RASSF2: variants seen among roughly 807,000 people sequenced by gnomAD.
The protein encoded by RASSF2 is ras association domain-containing protein 2.
RASSF2 carries 34 observed loss-of-function variants against 46.3 expected under a neutral mutation model. The ratio of observed to expected loss-of-function variants is 0.73; its 90% CI spans 0.56 to 0.98. The LOEUF (loss-of-function observed/expected upper bound fraction) is 0.98. RASSF2 is among the 50% of genes least tolerant of loss of function. RASSF2 has a pLI of 0.00. For synonymous variants in RASSF2, 158 were observed against 162.5 expected (o/e 0.97, Z 0.21); for missense variants, 364 against 431.2 (o/e 0.84, Z 1.38).
At position 4,784,197 on chromosome 20, in the gene RASSF2, G is replaced by C; in HGVS notation, c.*76C>G. 1 of 1,435,208 alleles carries C rather than the reference G, an allele frequency of 7.0e-7. No individual in the cohort carries two copies. The highest frequency in any genetic ancestry group is 9.8e-7 in the Non-Finnish European group (1 of 1,017,940). 88.9% of individuals were successfully genotyped at this position (1,435,208 alleles called of 1,614,324 possible). A position where few individuals can be genotyped will look rare whatever the true frequency, so the allele number is the denominator to read the frequency against. ...TTGTGTCTAAATGTTTCCATGGAAA[G>C]AAAGTGCCTAGCTTCCTGGGGGTCT... On this transcript the variant is annotated 3_prime_UTR_variant, in exon 12 of 12. Coordinates refer to ENST00000379400, the MANE Select transcript of RASSF2 (RefSeq NM_014737.3).
At chr20:4,817,607 G>A (rs944812080) in intron 2 of RASSF2, among the ~76,000 whole-genome samples, 10 of 151,974 alleles carry the variant, frequency 6.6e-5, no homozygotes, top group African/African-American at 2.4e-4. Context: ...GGGACCATCC[G>A]TTCCAAAAAA....
At chr20:4,817,996 G>A (rs564382524) in intron 2 of RASSF2, among the ~76,000 whole-genome samples, 74 of 152,354 alleles carry the variant, frequency 4.9e-4, no homozygotes, top group African/African-American at 1.7e-3. Flanking sequence ...GCCAGACGCA[G>A]TGGCTCATGC....
intron 2 of RASSF2, among the ~76,000 whole-genome samples, chr20:4,814,718 G>A (rs914045107): frequency 2.6e-5 from 4 of 152,142 alleles, no homozygotes; most frequent in African/African-American, 7.2e-5. Flanking sequence ...TTGAGTTAAC[G>A]CATCCAACAA....
At chr20:4,806,901 C>T (rs142576410) in intron 2 of RASSF2, among the ~76,000 whole-genome samples, 2 of 152,326 alleles carry the variant, frequency 1.3e-5, no homozygotes, top group East Asian at 3.9e-4. Flanking sequence ...TCGTTCTTTG[C>T]CTCCAACATA....
At chr20:4,821,450 G>A (rs895320894) in intron 2 of RASSF2, among the ~76,000 whole-genome samples, 1 of 152,084 alleles carries the variant, frequency 6.6e-6, no homozygotes, top group Non-Finnish European at 1.5e-5. Flanking sequence ...GGCACGAAAA[G>A]GGACCTCAGA....
At chr20:4,802,419 A>G (rs1346644381) in intron 2 of RASSF2, among the ~76,000 whole-genome samples, 1 of 152,238 alleles carries the variant, frequency 6.6e-6, no homozygotes, top group African/African-American at 2.4e-5. Flanking sequence ...AGGTGGAAGC[A>G]GCCCAAGTGT....
In RASSF2 at chr20:4,795,770, C is replaced by A; in HGVS notation, c.287+45G>T. The A allele has an allele frequency of 1.3e-6, 2 of 1,575,166 alleles. No individual in the cohort carries two copies. Among genetic ancestry groups the A allele is most frequent in the African/African-American group, 2.7e-5 (2 of 72,884 alleles). On this transcript the variant is annotated intron_variant, in intron 5 of 11. Transcript: ENST00000379400. The surrounding 1 kb of genome is among the most constrained non-coding windows in gnomAD (Gnocchi z 4.0). ...TATCTGCTTGAGAACACATAGAACA[C>A]CCAAGCATCCCAGTCATCTCCCTGC...
At chr20:4,804,820 C>T (rs1282068316) in intron 2 of RASSF2, among the ~76,000 whole-genome samples, 1 of 151,800 alleles carries the variant, frequency 6.6e-6, no homozygotes, top group Admixed American at 6.6e-5. Context: ...GCACATGGTG[C>T]AGGAGGAGGG....
At chr20:4,820,348 AT>A (rs1234481426) in intron 2 of RASSF2, among the ~76,000 whole-genome samples, 4 of 152,086 alleles carry the variant, frequency 2.6e-5, no homozygotes, top group African/African-American at 9.7e-5. Flanking sequence ...CTATAAAAAA[AT>A]AAAAATAAAA....
In RASSF2 at chr20:4,822,605, G is replaced by A. The variant is rs532452775; in HGVS notation, c.-107-202C>T. ...AGAGCTGAATGCAAAGTAAGCGCTC[G>A]AAATGCAGAAGTAGCCGGGGCCGCC... On this transcript the variant is annotated intron_variant, in intron 1 of 11. Coordinates refer to ENST00000379400, the MANE Select transcript of RASSF2 (RefSeq NM_014737.3). Among the ~76,000 whole-genome samples, 4 of 152,380 alleles carry A rather than the reference G, an allele frequency of 2.6e-5. No individual in the cohort carries two copies. In the South Asian group the frequency reaches 6.2e-4, roughly 24 times the overall value.
rs1925753710 is a variant in RASSF2, at chr20:4,790,245, AG to A, written c.537+205del. ...ACCCACCACCTTAAGGGGAACCCACAGGGGGACTTTGAGGCTTCTGACCTGG... is the reference window on the plus strand; with the variant it reads ...ACCCACCACCTTAAGGGGAACCCACAGGGGACTTTGAGGCTTCTGACCTGG... On this transcript the variant is annotated intron_variant, in intron 7 of 11. Coordinates refer to ENST00000379400, the MANE Select transcript of RASSF2 (RefSeq NM_014737.3). This position sits in a 1 kb window ranked among gnomAD's most constrained non-coding sequence, Gnocchi z 4.3. Among the ~76,000 whole-genome samples the A allele has an allele frequency of 6.6e-6, 1 of 152,204 alleles. No individual in the cohort carries two copies.
At chr20:4,801,744 G>A (rs770850203) in intron 2 of RASSF2, among the ~76,000 whole-genome samples, 1 of 151,742 alleles carries the variant, frequency 6.6e-6, no homozygotes. Context: ...GTTTTGTTTT[G>A]TTTTGTTTTT....
chr20:4,804,945 T>G (rs1463251128), intron 2 of RASSF2, among the ~76,000 whole-genome samples: 1 of 151,892 alleles, frequency 6.6e-6, no homozygotes, highest in Non-Finnish European at 1.5e-5. Context: ...GGAAGAGACC[T>G]CTAAACTGAG....
At chr20:4,814,514 G>A (rs1490550084) in intron 2 of RASSF2, among the ~76,000 whole-genome samples, 2 of 152,112 alleles carry the variant, frequency 1.3e-5, no homozygotes, top group East Asian at 3.8e-4. Context: ...TCGCCACCTG[G>A]GGACAGGACT....
chr20:4,809,272 G>C (rs1480649735), intron 2 of RASSF2, among the ~76,000 whole-genome samples: 1 of 152,142 alleles, frequency 6.6e-6, no homozygotes, highest in South Asian at 2.1e-4. Flanking sequence ...TCAAAGGGAA[G>C]GTCCTCTGGC....
intron 2 of RASSF2, among the ~76,000 whole-genome samples, chr20:4,804,036 C>T (rs925139850): frequency 1.3e-5 from 2 of 151,818 alleles, no homozygotes; most frequent in Non-Finnish European, 2.9e-5. Context: ...CTAGCCTGGT[C>T]GACAGAGTAA....
intron 2 of RASSF2, among the ~76,000 whole-genome samples, chr20:4,808,082 C>T (rs575198019): frequency 3.3e-5 from 5 of 152,310 alleles, no homozygotes; most frequent in South Asian, 4.1e-4. Context: ...CAGAGGAAGA[C>T]GGTTTGTGGA....
At chr20:4,804,023 A>T (rs372114209) in intron 2 of RASSF2, among the ~76,000 whole-genome samples, 3 of 152,194 alleles carry the variant, frequency 2.0e-5, no homozygotes, top group African/African-American at 7.2e-5. Context: ...ACGCCACTGC[A>T]CTCTAGCCTG....
Position 4,823,581 on chromosome 20 carries a change from T to C in RASSF2, c.-132A>G, listed in dbSNP as rs1928873600. 6.5e-6 allele frequency: 1 copy of C among 152,838 alleles called. No individual in the cohort carries two copies. Among genetic ancestry groups the C allele is most frequent in the Admixed American group, 6.5e-5 (1 of 15,286 alleles). 9.5% of individuals were successfully genotyped at this position (152,838 alleles called of 1,614,324 possible). On this transcript the variant is annotated 5_prime_UTR_variant, in exon 1 of 12. Transcript: ENST00000379400. Reference sequence around the variant, plus strand: ...CCGGATCTGCTCGTCCGCTGTCCTCTCTTTTCTCTCGCTCTTCATATCACT... The same window carrying C: ...CCGGATCTGCTCGTCCGCTGTCCTCCCTTTTCTCTCGCTCTTCATATCACT...
Sources: gnomAD v4.1 joint callset for allele counts (sites outside exome capture counted in the v4.1 genomes callset) on GRCh38, gnomAD v4.1.1 for gene constraint, Gnocchi (gnomAD v3.1) non-coding constraint, MANE v1.5 for transcripts, NCBI Gene and HGNC (gene_info 2026-07-23, HGNC 2026-07-21) for gene names.